CDK15: variants seen among roughly 807,000 people sequenced by gnomAD.
The protein encoded by CDK15 is cyclin dependent kinase 15, also known as cyclin-dependent kinase 15.
In CDK15, 62 loss-of-function variants were observed where a neutral mutation model predicts 60.3. The observed-to-expected ratio is 1.03, with a 90% confidence interval of 0.84 to 1.27. The LOEUF is 1.27. Among genes scored for constraint, CDK15 ranks in the 50% most tolerant of loss-of-function variants. The pLI is 0.00. For synonymous variants in CDK15, 194 were observed against 195.7 expected (o/e 0.99, Z 0.07); for missense variants, 541 against 527.8 (o/e 1.03, Z -0.25).
chr2:201,817,694 T>C (rs966337127), intron 4 of CDK15, among the ~76,000 whole-genome samples: 1 of 152,188 alleles, frequency 6.6e-6, no homozygotes, highest in Non-Finnish European at 1.5e-5. Context: ...AACTTCTGAA[T>C]TGCCAATGAC....
chr2:201,857,420 G>A (rs1390798690), intron 10 of CDK15, among the ~76,000 whole-genome samples: 3 of 151,920 alleles, frequency 2.0e-5, no homozygotes, highest in Non-Finnish European at 4.4e-5. Context: ...ATCCAAATAA[G>A]TCAAAAATTT....
At position 201,837,286 on chromosome 2, in the gene CDK15, T is replaced by TGAAA. The variant is rs1697136878; in HGVS notation, c.851+1536_851+1539dup. ...CTGGGTTACAGAGCGAGACCCCGTC[T>TGAAA]GAAAGAAAGAAAGAAACAGAGAGAG... On this transcript the variant is annotated intron_variant, in intron 8 of 13. Coordinates refer to ENST00000652192, the MANE Select transcript of CDK15 (RefSeq NM_001366386.2). 4.1e-5 allele frequency among the ~76,000 whole-genome samples: 5 copies of TGAAA among 122,288 alleles called. 1 individual carries two copies. Among genetic ancestry groups the TGAAA allele is most frequent in the African/African-American group, 1.4e-4 (5 of 35,414 alleles). 80.2% of individuals were successfully genotyped at this position (122,288 alleles called of 152,430 possible). A position where few individuals can be genotyped will look rare whatever the true frequency, so the allele number is the denominator to read the frequency against.
At chr2:201,861,475 G>C in intron 10 of CDK15, 1 of 984,200 alleles carries the variant, frequency 1.0e-6, no homozygotes, top group Non-Finnish European at 1.2e-6. Flanking sequence ...AAATTATATT[G>C]AATTGCATCT....
At position 201,807,920 on chromosome 2, in the gene CDK15, C is replaced by T. The variant is rs1183183195; in HGVS notation, c.336C>T (p.Gly112=). 1.2e-6 allele frequency: 2 copies of T among 1,614,124 alleles called. No homozygotes were observed. The highest frequency in any genetic ancestry group is 2.2e-5 in the South Asian group (2 of 91,070). The change falls in exon 3 of 14, where the codon GGC becomes GGT. Residue 112 remains glycine (G), a synonymous_variant. Coordinates refer to ENST00000652192, the MANE Select transcript of CDK15 (RefSeq NM_001366386.2). ...TGAACTTGGAGAAGCTGGGTGAAGG[C>T]TCTTATGCGACAGTTTACAAGGGGA... is the stretch of plus-strand genomic sequence containing the variant. ...SYLNLEKLGE[G]SYATVYKGIS...
chr2:201,854,839 C>G (rs757221913), intron 9 of CDK15, 35 bp from the exon 10 acceptor site: 5 of 1,599,920 alleles, frequency 3.1e-6, no homozygotes, highest in Non-Finnish European at 4.3e-6. Context: ...ATCTCCCCAC[C>G]TCACCTTTCT....
intron 8 of CDK15, among the ~76,000 whole-genome samples, chr2:201,843,041 T>A (rs898390243): frequency 1.4e-4 from 21 of 152,154 alleles, no homozygotes; most frequent in African/African-American, 5.1e-4. Context: ...GACTTGAATG[T>A]TCAGAATATT....
chr2:201,837,575 G>A (rs889826425), intron 8 of CDK15, among the ~76,000 whole-genome samples: 1 of 151,962 alleles, frequency 6.6e-6, no homozygotes, highest in African/African-American at 2.4e-5. Flanking sequence ...AGGCTCTAAG[G>A]TTAATGGGTT....
intron 3 of CDK15, 73 bp from the exon 4 acceptor site, chr2:201,812,410 A>T: frequency 1.1e-6 from 1 of 899,294 alleles, no homozygotes; most frequent in Non-Finnish European, 1.8e-6. Flanking sequence ...TGCTTTTGTT[A>T]AGCCATCTTT....
intron 8 of CDK15, among the ~76,000 whole-genome samples, chr2:201,842,764 A>C (rs547723935): frequency 1.3e-5 from 2 of 152,336 alleles, no homozygotes; most frequent in Admixed American, 6.5e-5. Context: ...AGTTTCCTCT[A>C]ACTTGACTGA....
chr2:201,839,971 TTTTTGTTTTTG>T lies in CDK15; in HGVS notation c.851+4213_851+4223del, dbSNP rs1055788192. Among the ~76,000 whole-genome samples, 15 of 91,858 alleles carry T rather than the reference TTTTTGTTTTTG, an allele frequency of 1.6e-4. No homozygotes were observed. The East Asian group carries it at 4.9e-3, about 30-fold the overall frequency. The allele number at this position is 91,858 out of a possible 152,430, so 60.3% of individuals were successfully genotyped here. A position where few individuals can be genotyped will look rare whatever the true frequency, so the allele number is the denominator to read the frequency against. ...ATTGTTGAGTGCTGCTGGGGTTTTT[TTTTTGTTTTTG>T]TTTTTGTTTTTGTTTTTTTTGAGAC... On this transcript the variant is annotated intron_variant, in intron 8 of 13. Coordinates refer to ENST00000652192, the MANE Select transcript of CDK15 (RefSeq NM_001366386.2).
chr2:201,851,512 C>T (rs372745889), intron 9 of CDK15, among the ~76,000 whole-genome samples: 60 of 152,172 alleles, frequency 3.9e-4, no homozygotes, highest in African/African-American at 1.3e-3. Flanking sequence ...CCTCTAGCTC[C>T]TTTATAAGGG....
intron 12 of CDK15, chr2:201,888,944 T>G: frequency 1.0e-6 from 1 of 987,394 alleles, no homozygotes; most frequent in Non-Finnish European, 1.2e-6. Context: ...TGACAAGATC[T>G]AATAGAAAGT....
intron 13 of CDK15, 119 bp downstream of exon 13, chr2:201,891,046 G>A (rs751431587): frequency 1.6e-5 from 9 of 568,744 alleles, no homozygotes; most frequent in South Asian, 7.5e-5. Flanking sequence ...GTTCTTCTTC[G>A]CCAGCTCTAG....
At chr2:201,856,507 T>C (rs376069969) in intron 10 of CDK15, among the ~76,000 whole-genome samples, 11 of 152,336 alleles carry the variant, frequency 7.2e-5, no homozygotes, top group African/African-American at 2.6e-4. Flanking sequence ...GGACTTAGAA[T>C]AGTGCCTATT....
chr2:201,878,642 C>A (rs1243176503), intron 11 of CDK15, among the ~76,000 whole-genome samples: 5 of 152,080 alleles, frequency 3.3e-5, no homozygotes, highest in African/African-American at 1.2e-4. Context: ...AAATGTTATA[C>A]CTGGGCTGCT....
rs79751934 is a variant in CDK15 at position 201,857,249 on chromosome 2, G to A, written c.1009+2312G>A. ...CTCCGTCTCAAAAAAAAAAAAAAAAGATAACTGGGTTCCAATAAAACAGAG... is the reference window on the plus strand; with the variant it reads ...CTCCGTCTCAAAAAAAAAAAAAAAAAATAACTGGGTTCCAATAAAACAGAG... On this transcript the variant is annotated intron_variant, in intron 10 of 13. Coordinates refer to ENST00000652192, the MANE Select transcript of CDK15 (RefSeq NM_001366386.2). Among the ~76,000 whole-genome samples, 812 of 96,778 alleles carry A rather than the reference G, an allele frequency of 8.4e-3. 93 individuals are homozygous for A. The highest frequency in any genetic ancestry group is 0.079 in the East Asian group (144 of 1,812). 63.5% of individuals were successfully genotyped at this position (96,778 alleles called of 152,430 possible).
At chr2:201,861,242 A>G (rs1277163592) in intron 10 of CDK15, 3 of 1,018,812 alleles carry the variant, frequency 2.9e-6, no homozygotes, top group Non-Finnish European at 2.4e-6. Context: ...CCTATGTGCC[A>G]GACACAGAAC....
rs546837351 is a variant in CDK15 at position 201,890,331 on chromosome 2, C to A, written c.1199-454C>A. On this transcript the variant is annotated intron_variant, in intron 12 of 13. Transcript: ENST00000652192. ...CCTTCATATCTTTGCTCATGCTGAT[C>A]CCTCAACCGGGAATATCCTCCTTGG... 5.3e-5 allele frequency among the ~76,000 whole-genome samples: 8 copies of A among 152,320 alleles called. No individual in the cohort carries two copies. In the South Asian group the frequency reaches 1.4e-3, roughly 28 times the overall value.
chr2:201,860,826 A>T, intron 10 of CDK15: 1 of 1,352,048 alleles, frequency 7.4e-7, no homozygotes, highest in South Asian at 1.1e-5. Flanking sequence ...GGAATGTCTC[A>T]TTTTGACCTT....
Sources: allele counts gnomAD v4.1 joint callset (sites outside exome capture counted in the v4.1 genomes callset), GRCh38; gene constraint gnomAD v4.1.1; transcripts MANE v1.5; gene names NCBI Gene and HGNC (gene_info 2026-07-23, HGNC 2026-07-21).